The following RAD51B variants were observed in gnomAD, a reference collection of about 807,000 sequenced individuals.
RAD51B encodes DNA repair protein RAD51 homolog 2.
RAD51B carries 38 observed loss-of-function variants against 42.2 expected under a neutral mutation model. That is an observed-to-expected ratio of 0.90 (90% confidence interval 0.70 to 1.18). The LOEUF is 1.18. RAD51B is among the 50% of genes most tolerant of loss of function. The probability of loss-of-function intolerance (pLI) is 0.00; values close to 1 mark genes in which losing one functional copy is unlikely to be tolerated. For missense variants in RAD51B, 373 were observed against 400.7 expected (o/e 0.93, Z 0.59); for synonymous variants, 154 against 145.2 (o/e 1.06, Z -0.43).
chr14:68,035,108 G>T (rs2076101117), intron 7 of RAD51B, among the ~76,000 whole-genome samples: 2 of 152,102 alleles, frequency 1.3e-5, no homozygotes, highest in South Asian at 4.1e-4. Flanking sequence ...ATTAGACTGT[G>T]GATTGTTTCT....
intron 8 of RAD51B, among the ~76,000 whole-genome samples, chr14:68,371,090 A>G (rs1302593922): frequency 1.3e-5 from 2 of 150,728 alleles, no homozygotes; most frequent in Non-Finnish European, 3.0e-5. Context: ...AAAAAGAATT[A>G]TCTGTGTATT....
chr14:68,432,916 C>T (rs2085049437), intron 9 of RAD51B, among the ~76,000 whole-genome samples: 1 of 152,106 alleles, frequency 6.6e-6, no homozygotes, highest in Admixed American at 6.5e-5. Context: ...TTAGTGTTTC[C>T]TTCAGGAGCT....
At chr14:68,003,395 C>T (rs149267181) in intron 7 of RAD51B, among the ~76,000 whole-genome samples, 26 of 152,290 alleles carry the variant, frequency 1.7e-4, no homozygotes, top group Admixed American at 3.9e-4. Context: ...GCTGAAGTTG[C>T]TTATCAGCGT....
chr14:68,168,442 A>T (rs2078799444), intron 7 of RAD51B, among the ~76,000 whole-genome samples: 1 of 152,150 alleles, frequency 6.6e-6, no homozygotes, highest in Non-Finnish European at 1.5e-5. Context: ...TAGATCTTAG[A>T]TATAAATTCT....
intron 10 of RAD51B, among the ~76,000 whole-genome samples, chr14:68,515,970 A>G (rs1161658845): frequency 6.6e-6 from 1 of 151,648 alleles, no homozygotes; most frequent in Admixed American, 6.6e-5. Flanking sequence ...TATTTTTAGT[A>G]GAGACGGGGT....
intron 7 of RAD51B, among the ~76,000 whole-genome samples, chr14:68,019,712 CTG>C (rs1216365836): frequency 6.6e-6 from 1 of 152,050 alleles, no homozygotes; most frequent in Non-Finnish European, 1.5e-5. Context: ...CAAGGGATGA[CTG>C]TGATTTTATC....
rs189969117 is a variant in RAD51B at position 67,961,141 on chromosome 14, G to T, written c.756+73937G>T. 2.2e-4 allele frequency among the ~76,000 whole-genome samples: 33 copies of T among 151,872 alleles called. 1 individual carries two copies. The highest frequency in any genetic ancestry group is 3.1e-4 in the Non-Finnish European group (21 of 67,950). ...CCCACCTCAACCTCCCGAGTAGCTG[G>T]GGCCACAGGTGTGCGCCACCACACC... On this transcript the variant is annotated intron_variant, in intron 7 of 10. Coordinates refer to ENST00000471583, the MANE Select transcript of RAD51B (RefSeq NM_133510.4).
At chr14:67,827,122 CA>C (rs2040861959) in intron 3 of RAD51B, among the ~76,000 whole-genome samples, 1 of 152,170 alleles carries the variant, frequency 6.6e-6, no homozygotes, top group Non-Finnish European at 1.5e-5. Flanking sequence ...ATTGCTTGAA[CA>C]GCTTTCTTTT....
intron 7 of RAD51B, among the ~76,000 whole-genome samples, chr14:67,995,097 G>A (rs1052500083): frequency 9.9e-5 from 15 of 152,010 alleles, no homozygotes; most frequent in African/African-American, 3.6e-4. Context: ...TGGAGTATAA[G>A]ACACACTCGG....
At chr14:68,407,276 G>A (rs1466770163) in intron 8 of RAD51B, among the ~76,000 whole-genome samples, 1 of 152,038 alleles carries the variant, frequency 6.6e-6, no homozygotes, top group South Asian at 2.1e-4. Context: ...ACTGGTTTTT[G>A]TATTTACTAA....
chr14:68,056,011 C>T (rs1417049256), intron 7 of RAD51B, among the ~76,000 whole-genome samples: 1 of 152,014 alleles, frequency 6.6e-6, no homozygotes, highest in Non-Finnish European at 1.5e-5. Flanking sequence ...TTTTTAGTGC[C>T]CTTGAAATAA....
At chr14:68,279,980 A>G (rs1268526036) in intron 7 of RAD51B, among the ~76,000 whole-genome samples, 1 of 152,204 alleles carries the variant, frequency 6.6e-6, no homozygotes, top group Non-Finnish European at 1.5e-5. Context: ...TTAACCAGCT[A>G]ACTGCCTGCT....
At chr14:68,258,407 CCACACA>C (rs368278669) in intron 7 of RAD51B, among the ~76,000 whole-genome samples, 16 of 146,998 alleles carry the variant, frequency 1.1e-4, no homozygotes, top group African/African-American at 1.3e-4. Context: ...TACACACACA[CCACACA>C]CACACACACA....
At chr14:68,634,418 C>G (rs1033548575) in intron 10 of RAD51B, among the ~76,000 whole-genome samples, 3 of 152,150 alleles carry the variant, frequency 2.0e-5, no homozygotes, top group Admixed American at 2.0e-4. Context: ...AACGGCAATG[C>G]CAGAGGAATG....
intron 10 of RAD51B, among the ~76,000 whole-genome samples, chr14:68,475,464 T>C (rs1039878610): frequency 6.6e-6 from 1 of 152,132 alleles, no homozygotes; most frequent in East Asian, 1.9e-4. Flanking sequence ...AGAAAGGGTA[T>C]CACTTCACCA....
intron 7 of RAD51B, among the ~76,000 whole-genome samples, chr14:67,950,437 C>G (rs1463735390): frequency 6.6e-6 from 1 of 152,224 alleles, no homozygotes; most frequent in African/African-American, 2.4e-5. Flanking sequence ...TTTCCTCTCT[C>G]AGCCTTCACA....
chr14:68,621,684 C>G (rs540234129), intron 10 of RAD51B, among the ~76,000 whole-genome samples: 1 of 152,328 alleles, frequency 6.6e-6, no homozygotes, highest in East Asian at 1.9e-4. Flanking sequence ...GGAGCTTTCT[C>G]CTACGGGAGA....
intron 7 of RAD51B, among the ~76,000 whole-genome samples, chr14:68,120,473 T>C (rs2077628951): frequency 6.6e-6 from 1 of 152,224 alleles, no homozygotes; most frequent in Non-Finnish European, 1.5e-5. Flanking sequence ...CAGAGATCTT[T>C]GTTACCCAGT....
In RAD51B at chr14:68,141,533, G is replaced by A. The variant is rs78338554; in HGVS notation, c.757-150351G>A. Among the ~76,000 whole-genome samples the A allele has an allele frequency of 7.2e-4, 110 of 152,262 alleles. 1 individual carries two copies. The East Asian group carries it at 0.018, about 25-fold the overall frequency. Reference sequence around the variant, plus strand: ...TAGCAAAATGTCCTGCATATAGTTAGTATTCTGTAATACATAAATATGAGT... The same window carrying A: ...TAGCAAAATGTCCTGCATATAGTTAATATTCTGTAATACATAAATATGAGT... On this transcript the variant is annotated intron_variant, in intron 7 of 10. Coordinates refer to ENST00000471583, the MANE Select transcript of RAD51B (RefSeq NM_133510.4).
Sources: allele counts gnomAD v4.1 joint callset (sites outside exome capture counted in the v4.1 genomes callset), GRCh38; gene constraint gnomAD v4.1.1; transcripts MANE v1.5; gene names NCBI Gene and HGNC (gene_info 2026-07-23, HGNC 2026-07-21).